C5orf47: variants seen among roughly 807,000 people sequenced by gnomAD.
C5orf47 encodes the protein chromosome 5 open reading frame 47.
In C5orf47, 20 loss-of-function variants were observed where a neutral mutation model predicts 20.6. That is an observed-to-expected ratio of 0.97 (90% confidence interval 0.68 to 1.41). C5orf47 has a LOEUF of 1.41. Ranked by LOEUF, C5orf47 falls within the 40% of genes most tolerant of loss-of-function variation. The pLI, the probability that C5orf47 is intolerant of heterozygous loss-of-function variation, is 0.00. For synonymous variants in C5orf47, 106 were observed against 97.3 expected, an observed-to-expected ratio of 1.09 and a Z score of -0.53; for missense variants, 262 against 238.4, an observed-to-expected ratio of 1.10 and a Z score of -0.65.
rs957656938 is a variant in C5orf47, at chr5:174,004,417, T to A, written c.*163T>A. 7 of 152,312 alleles carry A rather than the reference T, an allele frequency of 4.6e-5. No homozygotes were observed. The highest frequency in any genetic ancestry group is 1.7e-4 in the African/African-American group (7 of 41,584). The allele number at this position is 152,312 out of a possible 1,614,324, so 9.4% of individuals were successfully genotyped here. ...TCGAACAGAAAAATTACCTTCTTTATAAATTAATAATATTTCTTTGCTACT... is the reference window on the plus strand; with the variant it reads ...TCGAACAGAAAAATTACCTTCTTTAAAAATTAATAATATTTCTTTGCTACT... On this transcript the variant is annotated 3_prime_UTR_variant, in exon 5 of 5. Transcript: ENST00000340147.
chr5:173,998,744 G>T (rs1048564774), intron 2 of C5orf47, among the ~76,000 whole-genome samples: 4 of 152,152 alleles, frequency 2.6e-5, no homozygotes, highest in African/African-American at 9.7e-5. Context: ...ACATATTCAA[G>T]ACCGGATGCT....
chr5:174,002,169 C>T (rs988610462), intron 4 of C5orf47, among the ~76,000 whole-genome samples: 13 of 151,834 alleles, frequency 8.6e-5, no homozygotes, highest in Non-Finnish European at 1.9e-4. Context: ...CTATGTTGCC[C>T]GGGTTGGTCT....
At chr5:174,008,471 C>T (rs891224243), downstream of C5orf47, among the ~76,000 whole-genome samples, 18 of 152,172 alleles carry the variant, frequency 1.2e-4, no homozygotes, top group African/African-American at 3.1e-4. Flanking sequence ...AAGCCTAACA[C>T]GGGCCCTGTA....
intron 1 of C5orf47, among the ~76,000 whole-genome samples, chr5:173,997,909 C>A (rs369913119): frequency 6.6e-6 from 1 of 152,054 alleles, no homozygotes; most frequent in East Asian, 1.9e-4. Flanking sequence ...GCCTTACAAA[C>A]CAGAAAAGGA....
chr5:174,006,410 G>A (rs780198564), downstream of C5orf47, among the ~76,000 whole-genome samples: 18 of 152,146 alleles, frequency 1.2e-4, no homozygotes, highest in East Asian at 7.7e-4. Flanking sequence ...GTGAAGAAGC[G>A]TCAATACTTC....
intron 1 of C5orf47, 114 bp downstream of exon 1, chr5:173,989,702 T>G: frequency 1.0e-6 from 1 of 992,538 alleles, no homozygotes; most frequent in Non-Finnish European, 1.4e-6. Flanking sequence ...AGCTTTCCTG[T>G]CAGGCCGTGT....
At position 173,997,099 on chromosome 5, in the gene C5orf47, T is replaced by TGGA. The variant is rs377523885; in HGVS notation, c.326-1053_326-1051dup. On this transcript the variant is annotated intron_variant, in intron 1 of 4. Transcript: ENST00000340147. ...AGCTGATATCTATAGAATTGGATACTGGATCTCTAGTGAATAATAAAACAC... is the reference window on the plus strand; with the variant it reads ...AGCTGATATCTATAGAATTGGATACTGGAGGATCTCTAGTGAATAATAAAACAC... Among the ~76,000 whole-genome samples, 39 of 152,352 alleles carry TGGA rather than the reference T, an allele frequency of 2.6e-4. No individual in the cohort carries two copies. In the Middle Eastern group the frequency reaches 0.01, roughly 40 times the overall value.
intron 3 of C5orf47, among the ~76,000 whole-genome samples, chr5:174,000,396 G>T (rs1192418975): frequency 6.6e-6 from 1 of 151,980 alleles, no homozygotes; most frequent in Non-Finnish European, 1.5e-5. Flanking sequence ...TGTAGTTCTG[G>T]ATTTTAAAAA....
chr5:173,992,863 C>T (rs1260656380), intron 1 of C5orf47, among the ~76,000 whole-genome samples: 1 of 151,930 alleles, frequency 6.6e-6, no homozygotes, highest in South Asian at 2.1e-4. Context: ...TCTTTGTGAC[C>T]TAATTTATCA....
intron 1 of C5orf47, among the ~76,000 whole-genome samples, chr5:173,995,604 A>C (rs1759075129): frequency 6.6e-6 from 1 of 152,258 alleles, no homozygotes; most frequent in African/African-American, 2.4e-5. Flanking sequence ...GGTTAAATTA[A>C]GTAATACATG....
intron 2 of C5orf47, 65 bp downstream of exon 2, chr5:173,998,303 G>T (rs1229908177): frequency 2.4e-6 from 2 of 836,190 alleles, no homozygotes; most frequent in Non-Finnish European, 3.8e-6. Flanking sequence ...AAATACAAAT[G>T]TGTAAAGATA....
rs1163453120 is a variant in C5orf47 at position 173,989,433 on chromosome 5, C to T, written c.170C>T (p.Ala57Val). Residue 57 changes from alanine to valine, a missense_variant, in exon 1 of 5, where the codon GCA (alanine) becomes GTA (valine). Coordinates refer to ENST00000340147, the MANE Select transcript of C5orf47 (RefSeq NM_001144954.2). ...TGTCGCCAGGAGAAGCCGAGGGAAG[C>T]AATGGCGGTGGCGGGCGTTCAGGGT... ...AGCRQEKPREAMAVAGVQGGS... is the reference protein window; with the variant it reads ...AGCRQEKPREVMAVAGVQGGS... 10 of 1,549,456 alleles carry T rather than the reference C, an allele frequency of 6.5e-6. No individual in the cohort carries two copies. The African/African-American group carries it at 1.1e-4, about 17-fold the overall frequency.
chr5:173,992,232 ATTT>A (rs112978271), intron 1 of C5orf47, among the ~76,000 whole-genome samples: 2 of 137,092 alleles, frequency 1.5e-5, no homozygotes, highest in African/African-American at 2.7e-5. Flanking sequence ...TATTTTGTTA[ATTT>A]TTTTTTTTTT....
chr5:174,000,270 AT>A (rs1203909237), intron 3 of C5orf47, among the ~76,000 whole-genome samples: 5 of 152,096 alleles, frequency 3.3e-5, no homozygotes, highest in African/African-American at 1.2e-4. Context: ...CCTTGATGTC[AT>A]TATTTCATTC....
intron 1 of C5orf47, among the ~76,000 whole-genome samples, chr5:173,995,108 C>T (rs1759065981): frequency 6.6e-6 from 1 of 152,118 alleles, no homozygotes; most frequent in Admixed American, 6.6e-5. Flanking sequence ...CCACCACACC[C>T]AGCCCTTAAT....
intron 4 of C5orf47, among the ~76,000 whole-genome samples, chr5:174,001,534 A>G (rs935322882): frequency 2.7e-5 from 4 of 149,330 alleles, no homozygotes; most frequent in South Asian, 2.1e-4. Context: ...AATATGGTAC[A>G]TTATTCTGAG....
chr5:173,989,416 G>A lies in C5orf47; in HGVS notation c.153G>A (p.Gln51=). Residue 51 remains glutamine, a synonymous_variant, in exon 1 of 5, where the codon CAG becomes CAA. Coordinates refer to ENST00000340147, the MANE Select transcript of C5orf47 (RefSeq NM_001144954.2). ...WGQGPGAGCR[Q]EKPREAMAVA... is the part of the protein sequence containing the mutation. ...AGGGGCCTGGGGCAGGCTGTCGCCA[G>A]GAGAAGCCGAGGGAAGCAATGGCGG... is the stretch of plus-strand genomic sequence containing the variant. The A allele has an allele frequency of 6.5e-7, 1 of 1,548,100 alleles. No homozygotes were observed. The highest frequency in any genetic ancestry group is 1.4e-5 in the African/African-American group (1 of 72,892).
chr5:174,001,103 TTATAACTTGTATTCCATAATGTA>T, intron 3 of C5orf47, 70 bp from the exon 4 acceptor site: 1 of 772,144 alleles, frequency 1.3e-6, no homozygotes, highest in South Asian at 1.7e-5. Context: ...TAAAAATGTA[TTATAACTTGTATTCCATAATGTA>T]TATTTATTAA....
Position 174,004,870 on chromosome 5 carries a change from T to C in C5orf47, c.*616T>C, listed in dbSNP as rs1759259931. 1 of 152,154 alleles carries C rather than the reference T, an allele frequency of 6.6e-6. No homozygotes were observed. The highest frequency in any genetic ancestry group is 2.4e-5 in the African/African-American group (1 of 41,446). The allele number at this position is 152,154 out of a possible 1,614,324, so 9.4% of individuals were successfully genotyped here. A position where few individuals can be genotyped will look rare whatever the true frequency, so the allele number is the denominator to read the frequency against. ...TATTATAATGGACTATATTATAATA[T>C]GGAGTATTTTAGGAAAATTTTTGGG... On this transcript the variant is annotated 3_prime_UTR_variant, in exon 5 of 5. Transcript: ENST00000340147.
Sources: allele counts gnomAD v4.1 joint callset (sites outside exome capture counted in the v4.1 genomes callset), GRCh38; gene constraint gnomAD v4.1.1; transcripts MANE v1.5; gene names NCBI Gene and HGNC (gene_info 2026-07-23, HGNC 2026-07-21).